SGCD: variants seen among roughly 807,000 people sequenced by gnomAD.
The protein encoded by SGCD is sarcoglycan delta, also known as delta-sarcoglycan.
In SGCD, 18 loss-of-function variants were observed where a neutral mutation model predicts 36.6. That is an observed-to-expected ratio of 0.49 (90% CI 0.34 to 0.73). The LOEUF is 0.73. SGCD is among the 30% of genes least tolerant of loss of function. The pLI is 0.01. For synonymous variants in SGCD, 133 were observed against 130.6 expected, an observed-to-expected ratio of 1.02 and a Z score of -0.12; for missense variants, 387 against 346.7, an observed-to-expected ratio of 1.12 and a Z score of -0.92.
intron 1 of SGCD, among the ~76,000 whole-genome samples, chr5:155,936,097 A>C (rs1757191258): frequency 6.6e-6 from 1 of 152,166 alleles, no homozygotes; most frequent in South Asian, 2.1e-4. Flanking sequence ...AGGGTATTAC[A>C]GTCCTGGCTC....
At chr5:156,301,861 T>C (rs548100188) in intron 3 of SGCD, among the ~76,000 whole-genome samples, 6 of 152,054 alleles carry the variant, frequency 3.9e-5, no homozygotes, top group East Asian at 1.9e-4. Context: ...AAGGTTTTCA[T>C]TGAGAGAAGT....
chr5:155,863,277 T>C, the SGCD span, among the ~76,000 whole-genome samples: 3 of 152,180 alleles, frequency 2.0e-5, no homozygotes, highest in Non-Finnish European at 4.4e-5. Flanking sequence ...AGGTTCTCAT[T>C]ATGCTTTATT....
intron 3 of SGCD, among the ~76,000 whole-genome samples, chr5:156,451,829 G>T (rs1321957325): frequency 6.6e-6 from 1 of 152,120 alleles, no homozygotes; most frequent in Non-Finnish European, 1.5e-5. Flanking sequence ...AATGAATAAT[G>T]AAAATATTTC....
chr5:156,255,115 G>A (rs1377900370), intron 3 of SGCD, among the ~76,000 whole-genome samples: 2 of 152,016 alleles, frequency 1.3e-5, no homozygotes, highest in Non-Finnish European at 2.9e-5. Context: ...AATGAATTTT[G>A]CGTTTAGACT....
chr5:156,726,841 C>G (rs1216113898), intron 7 of SGCD, among the ~76,000 whole-genome samples: 1 of 152,156 alleles, frequency 6.6e-6, no homozygotes, highest in African/African-American at 2.4e-5. Flanking sequence ...TGGTTGGGTT[C>G]AAAACCAAGT....
upstream of SGCD, among the ~76,000 whole-genome samples, chr5:156,323,401 C>T (rs1433284875): frequency 6.6e-6 from 1 of 152,058 alleles, no homozygotes; most frequent in Non-Finnish European, 1.5e-5. Context: ...GAGAAATGGT[C>T]GAGTAGCTCC....
chr5:155,995,526 T>G (rs1758522837), intron 1 of SGCD, among the ~76,000 whole-genome samples: 1 of 152,188 alleles, frequency 6.6e-6, no homozygotes, highest in Non-Finnish European at 1.5e-5. Context: ...AGATTACATT[T>G]AAAAGCTAAT....
At chr5:156,413,943 G>A (rs1430395566) in intron 3 of SGCD, among the ~76,000 whole-genome samples, 4 of 152,060 alleles carry the variant, frequency 2.6e-5, no homozygotes, top group Admixed American at 1.3e-4. Flanking sequence ...AAAGTCATAC[G>A]AGTTGCTTTC....
At chr5:156,469,880 A>G (rs1754879600) in intron 3 of SGCD, among the ~76,000 whole-genome samples, 1 of 152,228 alleles carries the variant, frequency 6.6e-6, no homozygotes, top group Admixed American at 6.5e-5. Context: ...CAAATAACAC[A>G]TTCAGAGATG....
At chr5:155,730,270 C>T in the SGCD span, among the ~76,000 whole-genome samples, 1 of 152,062 alleles carries the variant, frequency 6.6e-6, no homozygotes, top group Non-Finnish European at 1.5e-5. Context: ...AAGCTGTGGC[C>T]CCTCCAAAGC....
At chr5:155,881,753 C>T (rs1755892522) in intron 1 of SGCD, among the ~76,000 whole-genome samples, 1 of 152,220 alleles carries the variant, frequency 6.6e-6, no homozygotes, top group African/African-American at 2.4e-5. Context: ...AATCCTGCTG[C>T]TGCCTTATCA....
chr5:156,708,303 A>G (rs151075362), intron 7 of SGCD, among the ~76,000 whole-genome samples: 46 of 151,464 alleles, frequency 3.0e-4, no homozygotes, highest in African/African-American at 1.1e-3. Flanking sequence ...AAAGGAAATG[A>G]AAATGCAGGT....
intron 3 of SGCD, among the ~76,000 whole-genome samples, chr5:156,498,779 G>T (rs1756314075): frequency 1.3e-5 from 2 of 152,184 alleles, no homozygotes; most frequent in Admixed American, 1.3e-4. Flanking sequence ...ATATTGGGCA[G>T]AGAGCCCAGA....
chr5:156,319,747 T>C (rs1157925458), intron 3 of SGCD, among the ~76,000 whole-genome samples: 1 of 152,214 alleles, frequency 6.6e-6, no homozygotes, highest in Admixed American at 6.5e-5. Context: ...TTTGACCATA[T>C]CACGTCTTCT....
At chr5:155,731,258 A>C in the SGCD span, among the ~76,000 whole-genome samples, 3 of 151,832 alleles carry the variant, frequency 2.0e-5, no homozygotes, top group Non-Finnish European at 4.4e-5. Context: ...AGGAGGCAAG[A>C]GTGGCAGAGA....
intron 6 of SGCD, among the ~76,000 whole-genome samples, chr5:156,638,044 A>G (rs530889941): frequency 6.6e-6 from 1 of 152,166 alleles, no homozygotes; most frequent in East Asian, 1.9e-4. Flanking sequence ...CACCATAGGA[A>G]GGCATCACCA....
chr5:156,686,474 T>A (rs1753908741), intron 7 of SGCD, among the ~76,000 whole-genome samples: 1 of 152,190 alleles, frequency 6.6e-6, no homozygotes. Flanking sequence ...GCACAAACAC[T>A]GTCTCATTTA....
the SGCD span, among the ~76,000 whole-genome samples, chr5:155,846,556 A>T: frequency 6.6e-6 from 1 of 152,132 alleles, no homozygotes; most frequent in African/African-American, 2.4e-5. Context: ...ACATTCTGTT[A>T]TACTCTGATT....
the SGCD span, among the ~76,000 whole-genome samples, chr5:155,767,813 G>A: frequency 6.6e-6 from 1 of 152,112 alleles, no homozygotes; most frequent in South Asian, 2.1e-4. Context: ...TTTCCCAAAC[G>A]TCACCCATTC....
Sources: allele counts gnomAD v4.1 joint callset (sites outside exome capture counted in the v4.1 genomes callset), GRCh38; gene constraint gnomAD v4.1.1; transcripts MANE v1.5; gene names NCBI Gene and HGNC (gene_info 2026-07-23, HGNC 2026-07-21).